Variants in RBFOX1 observed in about 807,000 individuals in gnomAD.
RBFOX1 encodes the protein RNA binding fox-1 homolog 1, also known as RNA binding protein fox-1 homolog 1.
Under a neutral mutation model 57.7 loss-of-function variants are expected in RBFOX1, and 8 were observed. The observed-to-expected ratio is 0.14, with a 90% CI of 0.08 to 0.25. RBFOX1 has a LOEUF of 0.25. Among genes scored for constraint, RBFOX1 ranks in the 10% least tolerant of loss-of-function variants. The probability of loss-of-function intolerance (pLI) is 1.00; values close to 1 mark genes in which losing one functional copy is unlikely to be tolerated. For missense variants in RBFOX1, 611 were observed against 548.5 expected (o/e 1.11, Z -1.14); for synonymous variants, 326 against 222.4 (o/e 1.47, Z -4.15).
intron 4 of RBFOX1, among the ~76,000 whole-genome samples, chr16:7,271,519 T>C (rs547438705): frequency 6.6e-6 from 1 of 152,160 alleles, no homozygotes; most frequent in Admixed American, 6.5e-5. Flanking sequence ...GTCTAATTGA[T>C]TTGTTTTTTT....
intron 5 of RBFOX1, among the ~76,000 whole-genome samples, chr16:7,555,402 C>T (rs1239544187): frequency 2.0e-5 from 3 of 152,180 alleles, no homozygotes; most frequent in Non-Finnish European, 4.4e-5. Context: ...TGTTACCTTC[C>T]TCGTTCTGAT....
intron 2 of RBFOX1, among the ~76,000 whole-genome samples, chr16:6,457,428 T>C (rs1296306058): frequency 2.3e-5 from 2 of 85,782 alleles, no homozygotes; most frequent in African/African-American, 5.0e-5. Context: ...TGACTGTGAA[T>C]TTCCGGAAGT....
chr16:7,546,029 A>AG (rs776877848), intron 5 of RBFOX1, among the ~76,000 whole-genome samples: 2 of 148,848 alleles, frequency 1.3e-5, no homozygotes, highest in African/African-American at 5.0e-5. Context: ...AAAAAAAAAA[A>AG]AGAAAAAGAA....
rs530343429 is a variant in RBFOX1, at chr16:7,553,101, C to G, written c.271-26676C>G. Reference sequence around the variant, plus strand: ...ATTCCTTCCCTCCTTCCTTTTTTCCCCTTCCTTTTTAAAAAATTTTCCAGT... The same window carrying G: ...ATTCCTTCCCTCCTTCCTTTTTTCCGCTTCCTTTTTAAAAAATTTTCCAGT... On this transcript the variant is annotated intron_variant, in intron 5 of 15. Coordinates refer to ENST00000550418, the MANE Select transcript of RBFOX1 (RefSeq NM_018723.4). 9.2e-4 allele frequency among the ~76,000 whole-genome samples: 140 copies of G among 151,988 alleles called. 1 individual carries two copies. Among genetic ancestry groups the G allele is most frequent in the African/African-American group, 3.3e-3 (135 of 41,452 alleles).
intron 3 of RBFOX1, among the ~76,000 whole-genome samples, chr16:6,925,392 C>G (rs188885237): frequency 6.6e-6 from 1 of 151,550 alleles, no homozygotes. Context: ...CCGAACGTGC[C>G]GGGATTATAG....
In RBFOX1 at chr16:6,379,067, G is replaced by A. The variant is rs2091513438; in HGVS notation, c.-64+62010G>A. ...TTGTGTGTTAGGACTGAGGAAGGAG[G>A]AGGAGGAGGATGCCCAGCTTTCTAA... On this transcript the variant is annotated intron_variant, in intron 2 of 15. Transcript: ENST00000550418. Among the ~76,000 whole-genome samples, 4 of 152,186 alleles carry A rather than the reference G, an allele frequency of 2.6e-5. No homozygotes were observed. The South Asian group carries it at 8.3e-4, about 32-fold the overall frequency.
intron 4 of RBFOX1, among the ~76,000 whole-genome samples, chr16:7,225,921 A>ATATATATATATATATATAT (rs1567789355): frequency 5.5e-5 from 4 of 73,216 alleles, no homozygotes; most frequent in South Asian, 4.2e-4. Context: ...TATATATATA[A>ATATATATATATATATATAT]ATGTGAATGT....
At chr16:6,621,168 A>C (rs75825338) in intron 2 of RBFOX1, among the ~76,000 whole-genome samples, 18,609 of 152,210 alleles carry the variant, frequency 0.12, 1,411 homozygotes, top group Middle Eastern at 0.25. Context: ...TCTCTTATAA[A>C]AACACTAGTC....
At chr16:7,146,322 C>T (rs1054190531) in intron 4 of RBFOX1, among the ~76,000 whole-genome samples, 1 of 152,158 alleles carries the variant, frequency 6.6e-6, no homozygotes. Context: ...TATATGTTGC[C>T]TTTGAAATGC....
rs113977862 is a variant in RBFOX1, at chr16:5,867,150, ATG to A, written c.319-130_319-129del. On this transcript the variant is annotated intron_variant, in intron 3 of 19. Coordinates refer to the RBFOX1 transcript ENST00000641259. ...TGCTGTGCTTGGTGGAAGAAAATGC[ATG>A]TGTGTGTGTGTGTGTGTGTGTGGTG... Among the ~76,000 whole-genome samples, 554 of 149,030 alleles carry A rather than the reference ATG, an allele frequency of 3.7e-3. 1 individual carries two copies. Among genetic ancestry groups the A allele is most frequent in the African/African-American group, 0.013 (512 of 40,732 alleles).
In RBFOX1 at chr16:6,356,122, G is replaced by GA. The variant is rs2087275844; in HGVS notation, c.-64+39070dup. On this transcript the variant is annotated intron_variant, in intron 2 of 15. Transcript: ENST00000550418. ...AGTAGAGAAACAAATCTCCTGTGCA[G>GA]AAAAATCCCAGATAATGTATGCACA... Among the ~76,000 whole-genome samples, 4 of 152,348 alleles carry GA rather than the reference G, an allele frequency of 2.6e-5. No individual in the cohort carries two copies. In the East Asian group the frequency reaches 7.7e-4, roughly 29 times the overall value.
At chr16:7,456,606 G>C (rs759040748) in intron 4 of RBFOX1, among the ~76,000 whole-genome samples, 2 of 152,148 alleles carry the variant, frequency 1.3e-5, no homozygotes, top group Non-Finnish European at 2.9e-5. Context: ...GCAGGCAAGG[G>C]GGTATTGTGG....
At chr16:7,374,723 C>A (rs1568485531) in intron 4 of RBFOX1, among the ~76,000 whole-genome samples, 1 of 152,154 alleles carries the variant, frequency 6.6e-6, no homozygotes, top group African/African-American at 2.4e-5. Context: ...TACTCGGTCC[C>A]CTTCTTGTGC....
chr16:5,301,634 A>AAAC (rs1555484666), intron 1 of RBFOX1, among the ~76,000 whole-genome samples: 11 of 150,372 alleles, frequency 7.3e-5, no homozygotes, highest in South Asian at 4.2e-4. Flanking sequence ...AAAAAAAAAA[A>AAAC]AAAACACACA....
At chr16:7,161,193 A>T (rs1851678931) in intron 4 of RBFOX1, among the ~76,000 whole-genome samples, 1 of 152,130 alleles carries the variant, frequency 6.6e-6, no homozygotes, top group South Asian at 2.1e-4. Flanking sequence ...CTGCAGCAGG[A>T]CTATGTGGAT....
At chr16:7,202,291 C>G (rs1483941542) in intron 4 of RBFOX1, among the ~76,000 whole-genome samples, 1 of 108,660 alleles carries the variant, frequency 9.2e-6, no homozygotes, top group Non-Finnish European at 1.8e-5. Flanking sequence ...ATTAGGATGG[C>G]TGCAAATAAA....
intron 3 of RBFOX1, among the ~76,000 whole-genome samples, chr16:5,825,056 G>T (rs58581464): frequency 0.51 from 76,914 of 152,080 alleles, 19,494 homozygotes; most frequent in East Asian, 0.61. Flanking sequence ...TGGAGAGTTT[G>T]ACTAAGAAGT....
intron 2 of RBFOX1, among the ~76,000 whole-genome samples, chr16:6,394,160 A>G (rs548247562): frequency 6.6e-6 from 1 of 152,310 alleles, no homozygotes; most frequent in East Asian, 1.9e-4. Flanking sequence ...ATGCAAAAAT[A>G]TGGGATCCTG....
intron 4 of RBFOX1, among the ~76,000 whole-genome samples, chr16:5,998,268 A>G (rs2060524418): frequency 6.6e-6 from 1 of 152,200 alleles, no homozygotes; most frequent in South Asian, 2.1e-4. Context: ...GATCTCTTTG[A>G]TAGTCTCTGA....
Sources: allele counts gnomAD v4.1 joint callset (sites outside exome capture counted in the v4.1 genomes callset), GRCh38; gene constraint gnomAD v4.1.1; transcripts MANE v1.5; gene names NCBI Gene and HGNC (gene_info 2026-07-23, HGNC 2026-07-21).